The following GSTM4 variants were observed in gnomAD, a reference collection of about 807,000 sequenced individuals.
GSTM4 encodes the protein GST class-mu 4.
In GSTM4, 27 loss-of-function variants were observed where a neutral mutation model predicts 30.1. The observed-to-expected ratio is 0.90, with a 90% CI of 0.66 to 1.24. The LOEUF is 1.24. Ranked by LOEUF, GSTM4 falls within the 50% of genes most tolerant of loss-of-function variation. The pLI is 0.00. For missense variants in GSTM4, 238 were observed against 272.1 expected, an observed-to-expected ratio of 0.87 and a Z score of 0.88; for synonymous variants, 94 against 96.2, an observed-to-expected ratio of 0.98 and a Z score of 0.13.
Position 109,658,117 on chromosome 1 carries a change from C to T in GSTM4, c.360+245C>T, listed in dbSNP as rs979459671. Reference sequence around the variant, plus strand: ...AATAAAGTCATGCGTTCAGAATTCCCTTCACCTCTGACCCCTGACCTCTGC... The same window carrying T: ...AATAAAGTCATGCGTTCAGAATTCCTTTCACCTCTGACCCCTGACCTCTGC... On this transcript the variant is annotated intron_variant, in intron 5 of 7. Transcript: ENST00000369836. 7.4e-6 allele frequency: 4 copies of T among 541,786 alleles called. No individual in the cohort carries two copies. In the African/African-American group the frequency reaches 7.6e-5, roughly 10 times the overall value. The allele number at this position is 541,786 out of a possible 1,614,324, so 33.6% of individuals were successfully genotyped here.
intron 5 of GSTM4, 82 bp from the exon 6 acceptor site, chr1:109,658,732 G>A: frequency 1.0e-6 from 1 of 970,310 alleles, no homozygotes; most frequent in Non-Finnish European, 1.7e-6. Context: ...GTGGCCAGCT[G>A]GGGCCATACA....
At chr1:109,657,745 A>G in intron 4 of GSTM4, 27 bp from the exon 5 acceptor site, 2 of 1,613,988 alleles carry the variant, frequency 1.2e-6, no homozygotes, top group South Asian at 2.2e-5. Context: ...CTATGCTCAG[A>G]GTGAGTCTGT....
In GSTM4 at chr1:109,661,348, C is replaced by G; in HGVS notation, c.*94C>G. The G allele has an allele frequency of 6.3e-7, 1 of 1,588,460 alleles. No homozygotes were observed. The highest frequency in any genetic ancestry group is 8.6e-7 in the Non-Finnish European group (1 of 1,167,134). On this transcript the variant is annotated 3_prime_UTR_variant, in exon 8 of 8. Coordinates refer to ENST00000369836, the MANE Select transcript of GSTM4 (RefSeq NM_000850.5). ...GCTGGACTCTGCATCCCAGCACCTG[C>G]CTCCTCGTTCCTTTCTCCTGTTTAT...
downstream of GSTM4, among the ~76,000 whole-genome samples, chr1:109,666,055 C>T (rs575254314): frequency 1.3e-5 from 2 of 152,286 alleles, no homozygotes; most frequent in African/African-American, 4.8e-5. Context: ...TTTCTACACA[C>T]GATAGTCAGG....
At chr1:109,659,721 G>C in intron 7 of GSTM4, 1 of 406,842 alleles carries the variant, frequency 2.5e-6, no homozygotes, top group South Asian at 1.9e-5. Context: ...TTGAAGGAGT[G>C]TATGTTGAAG....
chr1:109,658,052 A>G (rs918222519), intron 5 of GSTM4, 180 bp downstream of exon 5: 12 of 606,946 alleles, frequency 2.0e-5, no homozygotes, highest in East Asian at 1.1e-4. Context: ...CCCACCAATC[A>G]TAGGAAGTCC....
intron 2 of GSTM4, 68 bp downstream of exon 2, chr1:109,656,855 C>T (rs1652023433): frequency 6.8e-7 from 1 of 1,475,834 alleles, no homozygotes; most frequent in African/African-American, 1.4e-5. Flanking sequence ...CCCATGGTGG[C>T]CACCTGTGGC....
rs201986024 is a variant in GSTM4 at position 109,658,913 on chromosome 1, A to G, written c.456+4A>G. 1 of 1,612,720 alleles carries G rather than the reference A, an allele frequency of 6.2e-7. No individual in the cohort carries two copies. The highest frequency in any genetic ancestry group is 2.2e-5 in the East Asian group (1 of 44,880). ...GCCATGGTTTGTTGGAGACAAGGTA[A>G]TGGGGGCATGTGATGAGGACACTAG... On this transcript the variant is annotated splice_donor_region_variant and intron_variant, in intron 6 of 7. Transcript: ENST00000369836.
Position 109,658,918 on chromosome 1 carries a change from G to A in GSTM4, c.456+9G>A. 1 of 1,611,970 alleles carries A rather than the reference G, an allele frequency of 6.2e-7. No homozygotes were observed. Among genetic ancestry groups the A allele is most frequent in the African/African-American group, 1.3e-5 (1 of 75,002 alleles). ...GGTTTGTTGGAGACAAGGTAATGGG[G>A]GCATGTGATGAGGACACTAGAGATT... On this transcript the variant is annotated intron_variant, in intron 6 of 7. Transcript: ENST00000369836.
At chr1:109,662,935 A>G (rs977935575), downstream of GSTM4, among the ~76,000 whole-genome samples, 8 of 152,254 alleles carry the variant, frequency 5.3e-5, no homozygotes, top group Non-Finnish European at 1.0e-4. Context: ...TTTATTTTAA[A>G]TAGCCAATAA....
At chr1:109,667,581 A>G (rs1419860690), downstream of GSTM4, among the ~76,000 whole-genome samples, 1 of 152,164 alleles carries the variant, frequency 6.6e-6, no homozygotes, top group Non-Finnish European at 1.5e-5. Context: ...AGTGACAGTG[A>G]GTTATAATCA....
At chr1:109,667,232 G>GTTAA (rs577875344), downstream of GSTM4, among the ~76,000 whole-genome samples, 1 of 150,904 alleles carries the variant, frequency 6.6e-6, no homozygotes, top group Non-Finnish European at 1.5e-5. Context: ...AACTCATGTA[G>GTTAA]TTAAGGTAAG....
intron 7 of GSTM4, chr1:109,660,766 C>T (rs371119184): frequency 4.6e-5 from 10 of 215,262 alleles, no homozygotes; most frequent in African/African-American, 1.4e-4. Flanking sequence ...AACCAGTCTA[C>T]GTTGCAGCTC....
chr1:109,656,300 A>T lies in GSTM4; in HGVS notation c.-90A>T. ...GGGCCGAGGGGGCGGGTCTGGCGCTAGGTCCAGCCCCTGCGTGCCGGGAAC... is the reference window on the plus strand; with the variant it reads ...GGGCCGAGGGGGCGGGTCTGGCGCTTGGTCCAGCCCCTGCGTGCCGGGAAC... On this transcript the variant is annotated 5_prime_UTR_variant, in exon 1 of 8. Transcript: ENST00000369836. 2.3e-6 allele frequency: 3 copies of T among 1,287,240 alleles called. No individual in the cohort carries two copies. Among genetic ancestry groups the T allele is most frequent in the Non-Finnish European group, 3.4e-6 (3 of 885,110 alleles). The allele number at this position is 1,287,240 out of a possible 1,614,324, so 79.7% of individuals were successfully genotyped here. A position where few individuals can be genotyped will look rare whatever the true frequency, so the allele number is the denominator to read the frequency against.
rs554777031 is a variant in GSTM4, at chr1:109,656,142, G to T, written c.-248G>T. On this transcript the variant is annotated 5_prime_UTR_variant, in exon 1 of 8. Coordinates refer to ENST00000369836, the MANE Select transcript of GSTM4 (RefSeq NM_000850.5). ...GCTCCCTGAACACTCGGAGGTGGCGGTGGATCTTACTCCTTCCAGCCAGTG... is the reference window on the plus strand; with the variant it reads ...GCTCCCTGAACACTCGGAGGTGGCGTTGGATCTTACTCCTTCCAGCCAGTG... 2.2e-5 allele frequency: 11 copies of T among 497,012 alleles called. 1 individual carries two copies. The South Asian group carries it at 2.2e-4, about 10-fold the overall frequency. 30.8% of individuals were successfully genotyped at this position (497,012 alleles called of 1,614,324 possible). A position where few individuals can be genotyped will look rare whatever the true frequency, so the allele number is the denominator to read the frequency against.
chr1:109,666,113 C>T (rs905126461), downstream of GSTM4, among the ~76,000 whole-genome samples: 1 of 151,986 alleles, frequency 6.6e-6, no homozygotes, highest in African/African-American at 2.4e-5. Context: ...TTTTTTGAGA[C>T]AGGGTCTCAT....
chr1:109,661,344 C>G lies in GSTM4; in HGVS notation c.*90C>G. The G allele has an allele frequency of 6.3e-7, 1 of 1,595,258 alleles. No individual in the cohort carries two copies. The highest frequency in any genetic ancestry group is 1.3e-5 in the African/African-American group (1 of 74,190). On this transcript the variant is annotated 3_prime_UTR_variant, in exon 8 of 8. Transcript: ENST00000369836. The stretch of plus-strand genomic sequence containing the variant: ...CGCAGCTGGACTCTGCATCCCAGCA[C>G]CTGCCTCCTCGTTCCTTTCTCCTGT...
chr1:109,661,442 C>T lies in GSTM4; in HGVS notation c.*188C>T. On this transcript the variant is annotated 3_prime_UTR_variant, in exon 8 of 8. Transcript: ENST00000369836. ...CCTAAACCCCTGTCCCATGCAGGCCCTTTGAAGCCTCAGCTACCCACTTTC... is the reference window on the plus strand; with the variant it reads ...CCTAAACCCCTGTCCCATGCAGGCCTTTTGAAGCCTCAGCTACCCACTTTC... 1.4e-6 allele frequency: 2 copies of T among 1,443,272 alleles called. No homozygotes were observed. Among genetic ancestry groups the T allele is most frequent in the Non-Finnish European group, 1.8e-6 (2 of 1,094,440 alleles). The allele number at this position is 1,443,272 out of a possible 1,614,324, so 89.4% of individuals were successfully genotyped here. A position where few individuals can be genotyped will look rare whatever the true frequency, so the allele number is the denominator to read the frequency against.
intron 7 of GSTM4, chr1:109,660,513 T>C (rs1398245547): frequency 1.3e-5 from 2 of 153,962 alleles, no homozygotes; most frequent in South Asian, 4.1e-4. Context: ...TTTCTTTTGC[T>C]GGTCCAACAC....
Sources: allele counts gnomAD v4.1 joint callset (sites outside exome capture counted in the v4.1 genomes callset), GRCh38; gene constraint gnomAD v4.1.1; transcripts MANE v1.5; gene names NCBI Gene and HGNC (gene_info 2026-07-23, HGNC 2026-07-21).